CSMD1: variants seen among roughly 807,000 people sequenced by gnomAD.
CSMD1 encodes CUB and Sushi multiple domains 1.
Under a neutral mutation model 417.5 loss-of-function variants are expected in CSMD1, and 213 were observed. The observed-to-expected ratio is 0.51, with a 90% CI of 0.46 to 0.57. The LOEUF is 0.57. Ranked by LOEUF, CSMD1 falls within the 20% of genes least tolerant of loss-of-function variation. The probability of loss-of-function intolerance (pLI) is 0.00; values close to 1 mark genes in which losing one functional copy is unlikely to be tolerated. For missense variants in CSMD1, 6,923 were observed against 4,529.7 expected, an observed-to-expected ratio of 1.53 and a Z score of -15.17; for synonymous variants, 2,862 against 1,736.8, an observed-to-expected ratio of 1.65 and a Z score of -16.11.
chr8:4,117,596 T>C (rs1324261090), intron 3 of CSMD1, among the ~76,000 whole-genome samples: 4 of 152,200 alleles, frequency 2.6e-5, no homozygotes, highest in Non-Finnish European at 4.4e-5. Flanking sequence ...GATTATTTTT[T>C]ACAAAGGACT....
At chr8:3,441,504 TATATATAC>T (rs1405121631) in intron 12 of CSMD1, among the ~76,000 whole-genome samples, 1 of 108,284 alleles carries the variant, frequency 9.2e-6, no homozygotes, top group Admixed American at 1.0e-4. Context: ...TATATATATA[TATATATAC>T]ACACACACAC....
intron 3 of CSMD1, among the ~76,000 whole-genome samples, chr8:4,065,216 A>C (rs956012535): frequency 3.3e-5 from 5 of 152,220 alleles, no homozygotes; most frequent in African/African-American, 1.2e-4. Context: ...GAAAGAAAAT[A>C]GTCCTAAACA....
chr8:4,136,794 A>G (rs772573838), intron 3 of CSMD1, among the ~76,000 whole-genome samples: 2 of 152,170 alleles, frequency 1.3e-5, no homozygotes, highest in Non-Finnish European at 2.9e-5. Flanking sequence ...TGGACTCAAT[A>G]ATTTGTAAGA....
At chr8:3,727,782 T>C (rs537050659) in intron 6 of CSMD1, among the ~76,000 whole-genome samples, 2 of 152,244 alleles carry the variant, frequency 1.3e-5, no homozygotes, top group African/African-American at 4.8e-5. Flanking sequence ...TAATTTAGTC[T>C]TAAAAAGGAA....
chr8:4,414,729 A>G (rs1306586461), intron 3 of CSMD1, among the ~76,000 whole-genome samples: 1 of 152,178 alleles, frequency 6.6e-6, no homozygotes, highest in Non-Finnish European at 1.5e-5. Flanking sequence ...AGAAAAAGTT[A>G]AGTTGTGGTT....
chr8:4,581,435 C>T (rs1371080640), intron 2 of CSMD1, among the ~76,000 whole-genome samples: 1 of 152,106 alleles, frequency 6.6e-6, no homozygotes, highest in Non-Finnish European at 1.5e-5. Context: ...CTTGGCAGAT[C>T]TAGCAAGCAG....
At chr8:3,869,498 G>A (rs1805333029) in intron 5 of CSMD1, among the ~76,000 whole-genome samples, 2 of 152,178 alleles carry the variant, frequency 1.3e-5, no homozygotes, top group South Asian at 2.1e-4. Context: ...TAGTGAGGCT[G>A]AATGCGTTTG....
chr8:4,770,503 C>G (rs911954669), intron 1 of CSMD1, among the ~76,000 whole-genome samples: 1 of 150,774 alleles, frequency 6.6e-6, no homozygotes, highest in African/African-American at 2.4e-5. Context: ...CCTCAAATAG[C>G]CAAAGCAATT....
chr8:3,271,423 T>C (rs1279404006), intron 26 of CSMD1, among the ~76,000 whole-genome samples: 1 of 151,826 alleles, frequency 6.6e-6, no homozygotes, highest in Admixed American at 6.6e-5. Flanking sequence ...GCATGATTTA[T>C]ATTCCTTTGG....
At chr8:2,947,928 C>CTT (rs34597121) in intron 68 of CSMD1, among the ~76,000 whole-genome samples, 48 of 141,744 alleles carry the variant, frequency 3.4e-4, no homozygotes, top group East Asian at 2.9e-3. Context: ...ATTAATTATC[C>CTT]TTTTTTTTTT....
chr8:4,729,994 T>C (rs1809737910), intron 1 of CSMD1, among the ~76,000 whole-genome samples: 1 of 152,166 alleles, frequency 6.6e-6, no homozygotes, highest in Non-Finnish European at 1.5e-5. Context: ...CCTCTCCCGA[T>C]TCTGAAACTC....
rs200304428 is a variant in CSMD1 at position 3,797,766 on chromosome 8, A to G, written c.819-43724T>C. On this transcript the variant is annotated intron_variant, in intron 5 of 69. Coordinates refer to ENST00000635120, the MANE Select transcript of CSMD1 (RefSeq NM_033225.6). ...TTTTGTGGACACGTATTTTCATTAAACGTGATAAAACAGAAAATTCCTAGG... is the reference window on the plus strand; with the variant it reads ...TTTTGTGGACACGTATTTTCATTAAGCGTGATAAAACAGAAAATTCCTAGG... Among the ~76,000 whole-genome samples the G allele has an allele frequency of 5.9e-5, 9 of 152,080 alleles. No individual in the cohort carries two copies. In the East Asian group the frequency reaches 1.7e-3, roughly 29 times the overall value.
chr8:4,385,178 T>A (rs1480658407), intron 3 of CSMD1, among the ~76,000 whole-genome samples: 1 of 152,150 alleles, frequency 6.6e-6, no homozygotes, highest in East Asian at 1.9e-4. Flanking sequence ...CCTCCCCGTC[T>A]CGGCGTCTTA....
chr8:3,153,255 T>C (rs549799655), intron 39 of CSMD1, among the ~76,000 whole-genome samples: 2 of 152,296 alleles, frequency 1.3e-5, no homozygotes, highest in Admixed American at 6.5e-5. Flanking sequence ...TTACCCTCTA[T>C]GGTCTAAAAA....
At chr8:4,314,852 A>T (rs1798829002) in intron 3 of CSMD1, among the ~76,000 whole-genome samples, 1 of 152,190 alleles carries the variant, frequency 6.6e-6, no homozygotes, top group South Asian at 2.1e-4. Flanking sequence ...GAGCTGCGAC[A>T]AGCTGGGTGT....
intron 2 of CSMD1, among the ~76,000 whole-genome samples, chr8:4,564,714 A>G (rs1389350535): frequency 6.6e-6 from 1 of 152,218 alleles, no homozygotes; most frequent in East Asian, 1.9e-4. Context: ...ATACCCTGAT[A>G]ATAGTGAGGG....
chr8:4,399,841 G>T (rs1315767963), intron 3 of CSMD1, among the ~76,000 whole-genome samples: 1 of 152,164 alleles, frequency 6.6e-6, no homozygotes, highest in African/African-American at 2.4e-5. Context: ...AGCCATTAAG[G>T]TGAGAGAAAG....
At chr8:3,300,218 G>A (rs575916612) in intron 25 of CSMD1, among the ~76,000 whole-genome samples, 104 of 151,456 alleles carry the variant, frequency 6.9e-4, no homozygotes, top group African/African-American at 1.9e-3. Flanking sequence ...ATAACATGGC[G>A]TAAAAAATAA....
chr8:3,037,254 G>A (rs1033776905), intron 50 of CSMD1, among the ~76,000 whole-genome samples: 1 of 150,016 alleles, frequency 6.7e-6, no homozygotes, highest in African/African-American at 2.5e-5. Flanking sequence ...GGCCCAGGCT[G>A]GAGTGCAGTG....
Sources: allele counts gnomAD v4.1 joint callset (sites outside exome capture counted in the v4.1 genomes callset), GRCh38; gene constraint gnomAD v4.1.1; transcripts MANE v1.5; gene names NCBI Gene and HGNC (gene_info 2026-07-23, HGNC 2026-07-21).